Variants in IDH1 observed in about 807,000 individuals in gnomAD.
IDH1 encodes isocitrate dehydrogenase [NADP] cytoplasmic.
IDH1 carries 33 observed loss-of-function variants against 46.1 expected under a neutral mutation model. The ratio of observed to expected loss-of-function variants is 0.72; its 90% CI spans 0.54 to 0.96. The LOEUF is 0.96. Ranked by LOEUF, IDH1 falls within the 40% of genes least tolerant of loss-of-function variation. IDH1 has a pLI of 0.00. For synonymous variants in IDH1, 144 were observed against 172.8 expected (o/e 0.83, Z 1.31); for missense variants, 421 against 515.7 (o/e 0.82, Z 1.78).
At chr2:208,237,436 G>A (rs1463387527) in intron 9 of IDH1, among the ~76,000 whole-genome samples, 1 of 152,208 alleles carries the variant, frequency 6.6e-6, no homozygotes, top group South Asian at 2.1e-4. Flanking sequence ...TGTAGCTTTG[G>A]GGGTGAAATT....
intron 2 of IDH1, 98 bp from the exon 3 acceptor site, chr2:208,251,665 T>C: frequency 1.1e-6 from 1 of 920,958 alleles, no homozygotes; most frequent in Non-Finnish European, 1.7e-6. Context: ...TAGTGACTAC[T>C]AAAAGAACAA....
At chr2:208,239,741 G>A in intron 8 of IDH1, 122 bp downstream of exon 8, 1 of 919,904 alleles carries the variant, frequency 1.1e-6, no homozygotes. Context: ...GATCTTACTA[G>A]TAGAACAAAT....
intron 9 of IDH1, among the ~76,000 whole-genome samples, chr2:208,238,099 C>G (rs1429745797): frequency 3.3e-5 from 5 of 149,862 alleles, no homozygotes; most frequent in Non-Finnish European, 7.4e-5. Flanking sequence ...GCAGTGGCAC[C>G]ATCTCGGCTC....
chr2:208,239,057 C>T lies in IDH1; in HGVS notation c.1154+14G>A, dbSNP rs186944298. On this transcript the variant is annotated intron_variant, in intron 9 of 9. Transcript: ENST00000345146. ...GTTAATTTGACCATAGAAACTAGGG[C>T]ATCTTATACTTACTTGGGTAAACCT... 125 of 1,611,674 alleles carry T rather than the reference C, an allele frequency of 7.8e-5. No homozygotes were observed. The African/African-American group carries it at 1.4e-3, about 18-fold the overall frequency.
chr2:208,249,485 G>C (rs1359572114), intron 3 of IDH1, among the ~76,000 whole-genome samples: 1 of 152,186 alleles, frequency 6.6e-6, no homozygotes, highest in South Asian at 2.1e-4. Flanking sequence ...CCAACACAAA[G>C]ATTGCAGGTC....
chr2:208,239,332 G>T, intron 8 of IDH1, 99 bp from the exon 9 acceptor site: 1 of 1,246,426 alleles, frequency 8.0e-7, no homozygotes, highest in Non-Finnish European at 1.2e-6. Context: ...TTTTTGTTTA[G>T]GTGACAGACT....
In IDH1 at chr2:208,243,666, T is replaced by C. The variant is rs530080868; in HGVS notation, c.521-62A>G. The C allele has an allele frequency of 1.5e-3, 2,062 of 1,385,032 alleles. 2 individuals are homozygous for C. Among genetic ancestry groups the C allele is most frequent in the Non-Finnish European group, 1.9e-3 (1,846 of 977,136 alleles). The allele number at this position is 1,385,032 out of a possible 1,614,324, so 85.8% of individuals were successfully genotyped here. A position where few individuals can be genotyped will look rare whatever the true frequency, so the allele number is the denominator to read the frequency against. On this transcript the variant is annotated intron_variant, in intron 5 of 9. Coordinates refer to ENST00000345146, the MANE Select transcript of IDH1 (RefSeq NM_005896.4). ...AAGAATAAATGTAATGTAGTTGTAA[T>C]AAGGCTAAAATCACCCACCACAACC...
Position 208,245,431 on chromosome 2 carries a change from AGAGGG to A in IDH1, c.415-12_415-8del. 1 of 1,525,484 alleles carries A rather than the reference AGAGGG, an allele frequency of 6.6e-7. No homozygotes were observed. Among genetic ancestry groups the A allele is most frequent in the Non-Finnish European group, 9.1e-7 (1 of 1,099,812 alleles). The allele number at this position is 1,525,484 out of a possible 1,614,324, so 94.5% of individuals were successfully genotyped here. ...CAAAATCAGTTGCTCTGTACTGTGT[AGAGGG>A]GAAAAAGGTATAAAGAAAAAAAAAA... On this transcript the variant is annotated splice_polypyrimidine_tract_variant and splice_region_variant and intron_variant, in intron 4 of 9. Coordinates refer to ENST00000345146, the MANE Select transcript of IDH1 (RefSeq NM_005896.4).
At chr2:208,242,981 G>C (rs1574404895) in intron 6 of IDH1, among the ~76,000 whole-genome samples, 1 of 151,996 alleles carries the variant, frequency 6.6e-6, no homozygotes, top group African/African-American at 2.4e-5. Flanking sequence ...AGCCAGGATG[G>C]TCTCGATCTC....
chr2:208,251,836 T>TC (rs371170575), intron 2 of IDH1, among the ~76,000 whole-genome samples: 19 of 152,020 alleles, frequency 1.2e-4, no homozygotes, highest in African/African-American at 4.3e-4. Context: ...GGCCATCATT[T>TC]CCCCATTTTA....
chr2:208,241,971 C>T lies in IDH1; in HGVS notation c.850+23G>A, dbSNP rs189367779. The T allele has an allele frequency of 2.9e-5, 46 of 1,610,872 alleles. No individual in the cohort carries two copies. The African/African-American group carries it at 3.1e-4, about 11-fold the overall frequency. On this transcript the variant is annotated intron_variant, in intron 7 of 9. Coordinates refer to ENST00000345146, the MANE Select transcript of IDH1 (RefSeq NM_005896.4). Reference sequence around the variant, plus strand: ...CTACCCTGGAATGACCCTGTTCCTACAGGCCAGGCTCCACCTCTGTACCTT... The same window carrying T: ...CTACCCTGGAATGACCCTGTTCCTATAGGCCAGGCTCCACCTCTGTACCTT...
intron 2 of IDH1, among the ~76,000 whole-genome samples, chr2:208,251,827 G>A (rs1688131018): frequency 6.6e-6 from 1 of 151,792 alleles, no homozygotes. Flanking sequence ...CAAAAAAATG[G>A]CCATCATTTC....
intron 3 of IDH1, among the ~76,000 whole-genome samples, chr2:208,250,727 A>C (rs1010396920): frequency 6.6e-6 from 1 of 152,230 alleles, no homozygotes; most frequent in African/African-American, 2.4e-5. Flanking sequence ...CACACAGGGC[A>C]AAGGGACACA....
Position 208,248,550 on chromosome 2 carries a change from G to A in IDH1, c.233C>T (p.Pro78Leu), listed in dbSNP as rs1005225555. The A allele has an allele frequency of 1.9e-6, 3 of 1,614,018 alleles. No homozygotes were observed. The highest frequency in any genetic ancestry group is 2.7e-5 in the African/African-American group (2 of 74,916). Residue 78 changes from proline (P) to leucine (L), a missense_variant, in exon 4 of 10, where the codon CCT becomes CTT. Transcript: ENST00000345146. Reference sequence around the variant, plus strand: ...GAACTCCTCAACCCTCTTCTCATCAGGAGTGATAGTGGCACATTTGACGCC... The same window carrying A: ...GAACTCCTCAACCCTCTTCTCATCAAGAGTGATAGTGGCACATTTGACGCC... ...NVGVKCATIT[P>L]DEKRVEEFKL... is the part of the protein sequence containing the mutation.
chr2:208,237,395 A>AACC (rs1198855455), intron 9 of IDH1, among the ~76,000 whole-genome samples: 12 of 126,882 alleles, frequency 9.5e-5, no homozygotes, highest in Non-Finnish European at 1.9e-4. Flanking sequence ...CAGTAGAGAC[A>AACC]GCCATACATA....
intron 9 of IDH1, among the ~76,000 whole-genome samples, chr2:208,237,660 C>T (rs1296095464): frequency 5.3e-5 from 8 of 151,864 alleles, no homozygotes; most frequent in African/African-American, 1.9e-4. Context: ...GTGGCTCACG[C>T]CTATAATCCC....
intron 3 of IDH1, among the ~76,000 whole-genome samples, chr2:208,249,265 C>T (rs1446324): frequency 0.97 from 146,687 of 151,774 alleles, 71,095 homozygotes; most frequent in East Asian, 1. Flanking sequence ...TCTTGGCTCA[C>T]TCAACCTCTG....
At chr2:208,246,950 A>C (rs1274941840) in intron 4 of IDH1, among the ~76,000 whole-genome samples, 5 of 152,168 alleles carry the variant, frequency 3.3e-5, no homozygotes, top group African/African-American at 1.2e-4. Context: ...CTCAAAAACA[A>C]AAAACAAAAA....
At position 208,237,058 on chromosome 2, in the gene IDH1, C is replaced by A; in HGVS notation, c.*21G>T. 1 of 1,376,848 alleles carries A rather than the reference C, an allele frequency of 7.3e-7. No individual in the cohort carries two copies. The highest frequency in any genetic ancestry group is 1.2e-5 in the South Asian group (1 of 84,760). 85.3% of individuals were successfully genotyped at this position (1,376,848 alleles called of 1,614,324 possible). On this transcript the variant is annotated 3_prime_UTR_variant, in exon 10 of 10. Coordinates refer to ENST00000345146, the MANE Select transcript of IDH1 (RefSeq NM_005896.4). The stretch of plus-strand genomic sequence containing the variant: ...ACCTAGTTACCAAAAGACAATTATC[C>A]TTCTTAGCTCAGGTATGAACTTAAA...
Sources: gnomAD v4.1 joint callset for allele counts (sites outside exome capture counted in the v4.1 genomes callset) on GRCh38, gnomAD v4.1.1 for gene constraint, MANE v1.5 for transcripts, NCBI Gene and HGNC (gene_info 2026-07-23, HGNC 2026-07-21) for gene names.